The following MACROD2 variants were observed in gnomAD, a reference collection of about 807,000 sequenced individuals.
MACROD2 encodes ADP-ribose glycohydrolase MACROD2.
A neutral mutation model predicts 70.4 loss-of-function variants in MACROD2; 36 were observed. That is an observed-to-expected ratio of 0.51 (90% CI 0.39 to 0.68). The LOEUF (loss-of-function observed/expected upper bound fraction) is 0.68. Among genes scored for constraint, MACROD2 ranks in the 30% least tolerant of loss-of-function variants. The pLI is 0.00. For synonymous variants in MACROD2, 172 were observed against 178.8 expected (o/e 0.96, Z 0.30); for missense variants, 496 against 538.4 (o/e 0.92, Z 0.78).
chr20:15,905,226 ACT>A (rs1421978436), intron 10 of MACROD2, among the ~76,000 whole-genome samples: 3 of 152,058 alleles, frequency 2.0e-5, no homozygotes, highest in Non-Finnish European at 2.9e-5. Flanking sequence ...CTAGGGCAAC[ACT>A]CTCGTTTCAC....
chr20:14,454,554 G>T (rs1306626573), intron 3 of MACROD2, among the ~76,000 whole-genome samples: 2 of 151,640 alleles, frequency 1.3e-5, no homozygotes, highest in East Asian at 3.9e-4. Context: ...GGTTGTAACA[G>T]CAGTGGTTTA....
chr20:14,505,562 T>G (rs1448766959), intron 4 of MACROD2, among the ~76,000 whole-genome samples: 3 of 152,228 alleles, frequency 2.0e-5, no homozygotes, highest in South Asian at 2.1e-4. Context: ...AGTATTATCT[T>G]AAATATACTC....
intron 5 of MACROD2, among the ~76,000 whole-genome samples, chr20:15,094,436 T>A (rs1395999568): frequency 3.3e-5 from 5 of 152,192 alleles, no homozygotes; most frequent in African/African-American, 4.8e-5. Flanking sequence ...AGTAGAGGAA[T>A]AAGGTTTTCC....
chr20:15,438,831 G>C (rs542092160), intron 7 of MACROD2, among the ~76,000 whole-genome samples: 1 of 152,320 alleles, frequency 6.6e-6, no homozygotes, highest in Non-Finnish European at 1.5e-5. Flanking sequence ...CATGACAGCA[G>C]TGATTGTAAT....
intron 8 of MACROD2, among the ~76,000 whole-genome samples, chr20:15,614,933 A>G (rs570965898): frequency 6.6e-6 from 1 of 152,346 alleles, no homozygotes; most frequent in South Asian, 2.1e-4. Context: ...TTCTGTTTTT[A>G]GCACATTCCC....
chr20:15,860,738 C>G (rs1241280951), intron 8 of MACROD2, among the ~76,000 whole-genome samples: 1 of 152,136 alleles, frequency 6.6e-6, no homozygotes, highest in Non-Finnish European at 1.5e-5. Flanking sequence ...AGTCAATTCC[C>G]TACTTACCTC....
Position 14,699,868 on chromosome 20 carries a change from TAA to T in MACROD2, c.418+14911_418+14912del, listed in dbSNP as rs1264959896. On this transcript the variant is annotated intron_variant, in intron 5 of 17. Transcript: ENST00000684519. ...TTTTTAAATCTAGAAGTTTAAAGTT[TAA>T]ACTTTTTAAATCCAGAAGTTTAAAG... Among the ~76,000 whole-genome samples, 65 of 136,416 alleles carry T rather than the reference TAA, an allele frequency of 4.8e-4. 4 individuals carry two copies. The highest frequency in any genetic ancestry group is 1.6e-3 in the African/African-American group (60 of 36,540). 89.5% of individuals were successfully genotyped at this position (136,416 alleles called of 152,430 possible).
At chr20:15,408,301 C>T (rs971731) in intron 6 of MACROD2, among the ~76,000 whole-genome samples, 67,554 of 152,006 alleles carry the variant, frequency 0.44, 15,166 homozygotes, top group South Asian at 0.49. Flanking sequence ...CATCAACGGA[C>T]GACAGGTTCT....
chr20:15,284,626 G>A (rs1432532382), intron 6 of MACROD2, among the ~76,000 whole-genome samples: 1 of 152,178 alleles, frequency 6.6e-6, no homozygotes, highest in African/African-American at 2.4e-5. Flanking sequence ...TACATTACCT[G>A]TCTAGGGATT....
chr20:14,154,931 A>G (rs1197079496), intron 3 of MACROD2, among the ~76,000 whole-genome samples: 1 of 152,192 alleles, frequency 6.6e-6, no homozygotes, highest in African/African-American at 2.4e-5. Context: ...CTCCCTTGCC[A>G]GAATGTGAGC....
chr20:14,576,822 A>G (rs1980632600), intron 4 of MACROD2, among the ~76,000 whole-genome samples: 1 of 152,242 alleles, frequency 6.6e-6, no homozygotes, highest in Admixed American at 6.5e-5. Context: ...TGGAAGAAAT[A>G]ATGCTTTAAA....
intron 8 of MACROD2, among the ~76,000 whole-genome samples, chr20:15,576,229 A>G (rs1190365150): frequency 6.6e-6 from 1 of 152,086 alleles, no homozygotes; most frequent in Non-Finnish European, 1.5e-5. Context: ...ATTCAGAACA[A>G]TCTCATCACC....
chr20:14,417,048 AT>A (rs2083814501), intron 3 of MACROD2, among the ~76,000 whole-genome samples: 1 of 80,526 alleles, frequency 1.2e-5, no homozygotes, highest in Non-Finnish European at 3.0e-5. Flanking sequence ...TCTATCTATT[AT>A]CTATCTATCT....
intron 3 of MACROD2, among the ~76,000 whole-genome samples, chr20:14,098,081 G>C (rs559360809): frequency 6.6e-6 from 1 of 152,312 alleles, no homozygotes; most frequent in African/African-American, 2.4e-5. Context: ...CGTCTAAAGA[G>C]ATACAAAGTA....
At chr20:14,087,589 T>A (rs1212478878) in intron 3 of MACROD2, among the ~76,000 whole-genome samples, 2 of 152,164 alleles carry the variant, frequency 1.3e-5, no homozygotes, top group African/African-American at 2.4e-5. Context: ...CCACCCAATA[T>A]GACTCACTCC....
chr20:15,685,595 C>T (rs2050215429), intron 8 of MACROD2, among the ~76,000 whole-genome samples: 1 of 152,204 alleles, frequency 6.6e-6, no homozygotes. Flanking sequence ...CATCTCTCAT[C>T]ACACCATACT....
intron 15 of MACROD2, among the ~76,000 whole-genome samples, chr20:16,035,198 A>AATATAAG (rs2067218114): frequency 1.8e-5 from 2 of 113,278 alleles, no homozygotes; most frequent in South Asian, 6.1e-4. Context: ...TATAAAATAT[A>AATATAAG]ATATAAAATA....
chr20:15,739,043 G>T (rs534414976), intron 8 of MACROD2, among the ~76,000 whole-genome samples: 1 of 152,082 alleles, frequency 6.6e-6, no homozygotes, highest in African/African-American at 2.4e-5. Context: ...TGATAATTTC[G>T]AGCTAGGATA....
intron 5 of MACROD2, among the ~76,000 whole-genome samples, chr20:15,196,130 G>A (rs1680411435): frequency 6.6e-6 from 1 of 152,114 alleles, no homozygotes; most frequent in South Asian, 2.1e-4. Flanking sequence ...TGGATGCCGA[G>A]TTTAATAGCT....
Sources: gnomAD v4.1 joint callset for allele counts (sites outside exome capture counted in the v4.1 genomes callset) on GRCh38, gnomAD v4.1.1 for gene constraint, MANE v1.5 for transcripts, NCBI Gene and HGNC (gene_info 2026-07-23, HGNC 2026-07-21) for gene names.